MAPK8: variants seen among roughly 807,000 people sequenced by gnomAD.
MAPK8 encodes the protein JUN N-terminal kinase.
A neutral mutation model predicts 52.9 loss-of-function variants in MAPK8; 13 were observed. The ratio of observed to expected loss-of-function variants is 0.25; its 90% CI spans 0.16 to 0.39. The LOEUF (loss-of-function observed/expected upper bound fraction) is 0.39, where lower values mean the gene tolerates loss of function less well. MAPK8 is among the 10% of genes least tolerant of loss of function. MAPK8 has a pLI of 1.00. For missense variants in MAPK8, 300 were observed against 519.2 expected, an observed-to-expected ratio of 0.58 and a Z score of 4.10; for synonymous variants, 191 against 169.8, an observed-to-expected ratio of 1.12 and a Z score of -0.97.
At chr10:48,380,152 G>C (rs1036589353) in intron 1 of MAPK8, among the ~76,000 whole-genome samples, 1 of 151,480 alleles carries the variant, frequency 6.6e-6, no homozygotes, top group Non-Finnish European at 1.5e-5. Context: ...TGAGGCAGGA[G>C]AATCACTTGA....
At chr10:48,347,514 A>G (rs764137269) in intron 1 of MAPK8, among the ~76,000 whole-genome samples, 13 of 152,174 alleles carry the variant, frequency 8.5e-5, no homozygotes, top group Non-Finnish European at 1.5e-4. Flanking sequence ...CGTCATCTAC[A>G]TTAGGTATTT....
chr10:48,367,950 G>A (rs734371), intron 1 of MAPK8, among the ~76,000 whole-genome samples: 1 of 152,014 alleles, frequency 6.6e-6, no homozygotes, highest in East Asian at 1.9e-4. Context: ...TGAGAGAAGA[G>A]AGAATTAAAT....
intron 1 of MAPK8, among the ~76,000 whole-genome samples, chr10:48,360,023 C>CG (rs1224522076): frequency 6.6e-6 from 1 of 152,006 alleles, no homozygotes; most frequent in African/African-American, 2.4e-5. Flanking sequence ...ACAAATTAAC[C>CG]GGGTTTGGCA....
intron 1 of MAPK8, among the ~76,000 whole-genome samples, chr10:48,363,112 A>G (rs1847707390): frequency 6.6e-6 from 1 of 152,110 alleles, no homozygotes; most frequent in South Asian, 2.1e-4. Flanking sequence ...CACTGGCCTG[A>G]ACATAATGCA....
chr10:48,420,033 T>C, intron 5 of MAPK8, 122 bp from the exon 6 acceptor site: 2 of 699,532 alleles, frequency 2.9e-6, no homozygotes, highest in Non-Finnish European at 4.6e-6. Flanking sequence ...TGCAGTAATA[T>C]TACAGTGAGA....
rs41281985 is a variant in MAPK8, at chr10:48,436,925, G to A, written c.*1896G>A. The A allele has an allele frequency of 2.6e-5, 4 of 152,192 alleles. No individual in the cohort carries two copies. The highest frequency in any genetic ancestry group is 7.2e-5 in the African/African-American group (3 of 41,458). 9.4% of individuals were successfully genotyped at this position (152,192 alleles called of 1,614,324 possible). A position where few individuals can be genotyped will look rare whatever the true frequency, so the allele number is the denominator to read the frequency against. Reference sequence around the variant, plus strand: ...TTTCAGCAGAAATTTGAGAATGAGTGTGTTTATATTAATTTCACAATTAGC... The same window carrying A: ...TTTCAGCAGAAATTTGAGAATGAGTATGTTTATATTAATTTCACAATTAGC... On this transcript the variant is annotated 3_prime_UTR_variant, in exon 12 of 12. Coordinates refer to ENST00000374189, the MANE Select transcript of MAPK8 (RefSeq NM_001323329.2).
Position 48,425,881 on chromosome 10 carries a change from A to G in MAPK8, c.689-7A>G, listed in dbSNP as rs781008564. Reference sequence around the variant, plus strand: ...ATGGAGTATTTTTCTTAGCTACTTGATATTAGATATTGATCAGTGGAATAA... The same window carrying G: ...ATGGAGTATTTTTCTTAGCTACTTGGTATTAGATATTGATCAGTGGAATAA... On this transcript the variant is annotated splice_region_variant and splice_polypyrimidine_tract_variant and intron_variant, in intron 7 of 11. Coordinates refer to ENST00000374189, the MANE Select transcript of MAPK8 (RefSeq NM_001323329.2). 2 of 1,562,166 alleles carry G rather than the reference A, an allele frequency of 1.3e-6. No homozygotes were observed. The highest frequency in any genetic ancestry group is 1.2e-5 in the South Asian group (1 of 85,128).
chr10:48,386,117 G>A (rs1433472099), intron 1 of MAPK8, among the ~76,000 whole-genome samples: 1 of 152,110 alleles, frequency 6.6e-6, no homozygotes, highest in South Asian at 2.1e-4. Context: ...GAATTGTCTC[G>A]TGGTGGTTGA....
chr10:48,337,777 A>G (rs1193762780), intron 1 of MAPK8, among the ~76,000 whole-genome samples: 1 of 152,190 alleles, frequency 6.6e-6, no homozygotes, highest in Non-Finnish European at 1.5e-5. Flanking sequence ...ATTACAGTGG[A>G]TACCATAGAA....
chr10:48,391,231 C>A (rs1461216362), intron 1 of MAPK8, among the ~76,000 whole-genome samples: 1 of 152,174 alleles, frequency 6.6e-6, no homozygotes. Flanking sequence ...TATTTCCATA[C>A]TTTTGGTTGC....
intron 6 of MAPK8, among the ~76,000 whole-genome samples, chr10:48,421,363 G>A (rs1360094211): frequency 2.6e-5 from 4 of 152,080 alleles, no homozygotes; most frequent in African/African-American, 4.8e-5. Flanking sequence ...TTTGGGAATT[G>A]ATAACTTCAC....
intron 1 of MAPK8, among the ~76,000 whole-genome samples, chr10:48,391,494 C>T (rs1429026178): frequency 6.6e-6 from 1 of 152,098 alleles, no homozygotes; most frequent in Admixed American, 6.6e-5. Context: ...TAAATCTCAC[C>T]AGTATCCTTA....
intron 1 of MAPK8, among the ~76,000 whole-genome samples, chr10:48,333,547 A>G (rs528833851): frequency 1.4e-4 from 22 of 152,314 alleles, no homozygotes; most frequent in Middle Eastern, 6.8e-3. Flanking sequence ...TTCTCTAAAG[A>G]TGGGAGGGCC....
chr10:48,313,110 T>C lies in MAPK8; in HGVS notation c.-50+6289T>C, dbSNP rs538469467. On this transcript the variant is annotated intron_variant, in intron 1 of 11. Transcript: ENST00000374189. ...TCCCTAGTAAGAGGTTGTAGCCTCA[T>C]GATTAAACACATTAACATTTCTGTA... is the stretch of plus-strand genomic sequence containing the variant. Among the ~76,000 whole-genome samples, 97 of 152,298 alleles carry C rather than the reference T, an allele frequency of 6.4e-4. 1 individual carries two copies. The highest frequency in any genetic ancestry group is 2.3e-3 in the African/African-American group (96 of 41,556).
chr10:48,406,394 G>A (rs114771535), intron 3 of MAPK8, among the ~76,000 whole-genome samples: 1,686 of 152,234 alleles, frequency 0.011, 36 homozygotes, highest in African/African-American at 0.039. Flanking sequence ...TCCTTGGGGA[G>A]GAGTTCAGTT....
intron 1 of MAPK8, among the ~76,000 whole-genome samples, chr10:48,343,002 T>C (rs769776912): frequency 6.6e-6 from 1 of 152,166 alleles, no homozygotes; most frequent in Non-Finnish European, 1.5e-5. Context: ...CCAGGTAGAA[T>C]AGTGAATCAT....
intron 3 of MAPK8, among the ~76,000 whole-genome samples, chr10:48,408,142 A>G (rs1021906097): frequency 6.6e-6 from 1 of 152,230 alleles, no homozygotes; most frequent in East Asian, 1.9e-4. Flanking sequence ...ACAAATTCCC[A>G]TCCCCAAGTA....
At chr10:48,426,867 GAAGAA>G (rs1459182969) in intron 9 of MAPK8, 2 of 505,972 alleles carry the variant, frequency 4.0e-6, no homozygotes, top group South Asian at 2.6e-5. Context: ...TCAAGAGCTA[GAAGAA>G]AAGAAAAAAG....
chr10:48,397,043 C>T (rs1340674313), intron 1 of MAPK8, among the ~76,000 whole-genome samples: 2 of 152,170 alleles, frequency 1.3e-5, no homozygotes, highest in African/African-American at 2.4e-5. Context: ...CATAGTACAA[C>T]TATCAAAATG....
Sources: gnomAD v4.1 joint callset for allele counts (sites outside exome capture counted in the v4.1 genomes callset) on GRCh38, gnomAD v4.1.1 for gene constraint, MANE v1.5 for transcripts, NCBI Gene and HGNC (gene_info 2026-07-23, HGNC 2026-07-21) for gene names.